The following ZFYVE26 variants were observed in gnomAD, a reference collection of about 807,000 sequenced individuals.
ZFYVE26 encodes the protein zinc finger FYVE-type containing 26, also known as zinc finger FYVE domain-containing protein 26.
ZFYVE26 carries 181 observed loss-of-function variants against 276.5 expected under a neutral mutation model. The observed-to-expected ratio is 0.65, with a 90% CI of 0.58 to 0.74. ZFYVE26 has a LOEUF of 0.74. Ranked by LOEUF, ZFYVE26 falls within the 30% of genes least tolerant of loss-of-function variation. The probability of loss-of-function intolerance (pLI) is 0.00; values close to 1 mark genes in which losing one functional copy is unlikely to be tolerated. For missense variants in ZFYVE26, 2,821 were observed against 3,097.9 expected (o/e 0.91, Z 2.12); for synonymous variants, 1,129 against 1,203.1 (o/e 0.94, Z 1.27).
At chr14:67,814,156 T>G (rs1170537890) in intron 2 of ZFYVE26, 92 bp from the exon 3 acceptor site, 2 of 1,033,296 alleles carry the variant, frequency 1.9e-6, no homozygotes, top group African/African-American at 1.6e-5. Context: ...GCTTATTCTG[T>G]TTTAAACCTG....
At chr14:67,792,417 C>T (rs1454443393) in intron 14 of ZFYVE26, among the ~76,000 whole-genome samples, 5 of 152,218 alleles carry the variant, frequency 3.3e-5, no homozygotes, top group East Asian at 3.9e-4. Context: ...ATATTTCTCA[C>T]GGCTAGAACA....
chr14:67,801,932 TGA>T, intron 10 of ZFYVE26, 145 bp downstream of exon 10: 4 of 885,620 alleles, frequency 4.5e-6, no homozygotes, highest in Non-Finnish European at 5.6e-6. Context: ...ATTCAGAGGC[TGA>T]CAGATGGATG....
In ZFYVE26 at chr14:67,762,812, T is replaced by C. The variant is rs150497301; in HGVS notation, c.6019A>G (p.Ser2007Gly). ...AAAATATTCAGCACATCTACCTTGC[T>C]GATGTAGCTACAAGGAGGAAAAGGG... is the stretch of plus-strand genomic sequence containing the variant. The part of the protein sequence containing the change: ...QDLALCDSYI[S>G]KVDVLNILVA... The change falls in exon 33 of 42, where the codon AGC (serine) becomes GGC (glycine). Residue 2007 changes from serine to glycine, a missense_variant. Ser to Gly is a moderately conservative substitution (Grantham distance 56, BLOSUM62 0). Coordinates refer to ENST00000347230, the MANE Select transcript of ZFYVE26 (RefSeq NM_015346.4). The C allele has an allele frequency of 1.1e-4, 185 of 1,614,058 alleles. 2 individuals are homozygous for C. The African/African-American group carries it at 2.2e-3, about 20-fold the overall frequency.
At chr14:67,777,388 A>G (rs774524943) in intron 25 of ZFYVE26, among the ~76,000 whole-genome samples, 171 bp downstream of exon 25, 3 of 152,220 alleles carry the variant, frequency 2.0e-5, no homozygotes, top group Admixed American at 6.5e-5. Flanking sequence ...AAGATTTCAT[A>G]TAGCACAGGC....
chr14:67,791,690 G>A (rs956075684), intron 14 of ZFYVE26, among the ~76,000 whole-genome samples: 2 of 151,632 alleles, frequency 1.3e-5, no homozygotes, highest in Non-Finnish European at 2.9e-5. Context: ...TCAAGAAAAG[G>A]AGGAGAAGTG....
At position 67,786,231 on chromosome 14, in the gene ZFYVE26, G is replaced by C. The variant is rs766888372; in HGVS notation, c.3022C>G (p.Arg1008Gly). ...RLNSSLERRG[R>G]RIDHVLLNAD... is the part of the protein sequence containing the mutation. ...TTTAGGAGTACGTGGTCTATCCGTC[G>C]ACCTGGAAATAGATGAAGGAAGAGG... is the stretch of plus-strand genomic sequence containing the variant. The change falls in exon 17 of 42, where the codon CGA (arginine) becomes GGA (glycine). Residue 1008 changes from arginine to glycine, a missense_variant and splice_region_variant. Coordinates refer to ENST00000347230, the MANE Select transcript of ZFYVE26 (RefSeq NM_015346.4). The C allele has an allele frequency of 2.2e-6, 3 of 1,341,824 alleles. No homozygotes were observed. The highest frequency in any genetic ancestry group is 3.0e-6 in the Non-Finnish European group (3 of 992,334). 83.1% of individuals were successfully genotyped at this position (1,341,824 alleles called of 1,614,324 possible).
chr14:67,798,865 C>A, intron 10 of ZFYVE26: 1 of 856,972 alleles, frequency 1.2e-6, no homozygotes, highest in East Asian at 2.7e-5. Context: ...CGAGGCCAAC[C>A]GGGCCTCCCC....
intron 37 of ZFYVE26, 54 bp from the exon 38 acceptor site, chr14:67,754,266 A>G: frequency 6.2e-7 from 1 of 1,609,520 alleles, no homozygotes; most frequent in Non-Finnish European, 8.5e-7. Context: ...CAGGTGACTG[A>G]GGCCAGGAGA....
rs199627150 is a variant in ZFYVE26 at position 67,775,095 on chromosome 14, T to C, written c.5241A>G (p.Gln1747=). The C allele has an allele frequency of 5.8e-5, 93 of 1,611,094 alleles. 1 individual carries two copies. The highest frequency in any genetic ancestry group is 8.9e-5 in the South Asian group (8 of 90,054). The stretch of plus-strand genomic sequence containing the variant: ...GATCTGCAGCCTGGTGGACAATTTC[T>C]TGGAGGTGAATCACAGAATCTGTAG... ...EKRSDSVIHL[Q]EIVHQAADPE... is the part of the protein sequence containing the mutation. Residue 1747 remains glutamine (Q), a synonymous_variant, in exon 27 of 42, where the codon CAA becomes CAG. Coordinates refer to ENST00000347230, the MANE Select transcript of ZFYVE26 (RefSeq NM_015346.4).
Position 67,782,895 on chromosome 14 carries a change from T to C in ZFYVE26, c.4257A>G (p.Glu1419=), listed in dbSNP as rs2039539941. The change falls in exon 21 of 42, where the codon GAA becomes GAG. Residue 1419 remains glutamate, a synonymous_variant. Transcript: ENST00000347230. ...ALDVLSEAFE[E]SLVARDWSRA... ...GGGACCAATCTCTGGCCACCAAGGA[T>C]TCCTCAAAAGCCTCACTCAGTACAT... 1 of 1,614,166 alleles carries C rather than the reference T, an allele frequency of 6.2e-7. No individual in the cohort carries two copies. The highest frequency in any genetic ancestry group is 1.3e-5 in the African/African-American group (1 of 75,038).
intron 16 of ZFYVE26, among the ~76,000 whole-genome samples, chr14:67,787,430 T>C (rs1189915753): frequency 1.3e-5 from 2 of 152,066 alleles, no homozygotes; most frequent in Non-Finnish European, 1.5e-5. Context: ...CAGTGAATAA[T>C]AATTCAATTG....
At chr14:67,751,208 CCTGA>C (rs1158124945) in intron 40 of ZFYVE26, 112 bp from the exon 41 acceptor site, 16 of 1,283,414 alleles carry the variant, frequency 1.2e-5, no homozygotes, top group Non-Finnish European at 1.8e-5. Context: ...AAAATGTCTG[CCTGA>C]CTTTTTTTTT....
intron 35 of ZFYVE26, 90 bp from the exon 36 acceptor site, chr14:67,756,235 C>T: frequency 2.4e-6 from 3 of 1,276,312 alleles, no homozygotes; most frequent in Non-Finnish European, 2.3e-6. Context: ...TATTGATGAA[C>T]CTTCAGCATC....
chr14:67,769,705 C>T lies in ZFYVE26; in HGVS notation c.5510G>A (p.Arg1837His), dbSNP rs776920735. The T allele has an allele frequency of 2.7e-5, 43 of 1,613,926 alleles. No homozygotes were observed. Among genetic ancestry groups the T allele is most frequent in the African/African-American group, 4.0e-5 (3 of 74,870 alleles). The change falls in exon 29 of 42, where the codon CGC becomes CAC. Residue 1837 changes from arginine (R) to histidine (H), a missense_variant. Physicochemically the swap from Arg to His is conservative, Grantham distance 29. Transcript: ENST00000347230. Reference protein sequence around the residue: ...TMFNRRHHCRRCGRLVCSSCS... With the variant: ...TMFNRRHHCRHCGRLVCSSCS... ...GGAGCTGCACACTAGCCGGCCACAG[C>T]GGCGACAATGATGACGCCTGTTAAA... is the stretch of plus-strand genomic sequence containing the variant.
At chr14:67,746,068 A>G (rs1285199488), downstream of ZFYVE26, among the ~76,000 whole-genome samples, 1 of 152,114 alleles carries the variant, frequency 6.6e-6, no homozygotes, top group Non-Finnish European at 1.5e-5. Context: ...TGTAGTGGCG[A>G]AAGATGGCAA....
Position 67,785,069 on chromosome 14 carries a change from G to C in ZFYVE26, c.3513C>G (p.Ser1171Arg). The C allele has an allele frequency of 6.2e-7, 1 of 1,614,188 alleles. No individual in the cohort carries two copies. Among genetic ancestry groups the C allele is most frequent in the Non-Finnish European group, 8.5e-7 (1 of 1,180,032 alleles). The part of the protein sequence containing the change: ...TLAAVLLQSL[S>R]SEPDHVEVKV... ...TTTCTTGCTACCTACCAGGCTCAGA[G>C]CTCAAACTTTGAAGGAGAACTGCAG... is the stretch of plus-strand genomic sequence containing the variant. Residue 1171 changes from serine to arginine, a missense_variant, in exon 19 of 42, where the codon AGC becomes AGG. Coordinates refer to ENST00000347230, the MANE Select transcript of ZFYVE26 (RefSeq NM_015346.4).
intron 13 of ZFYVE26, chr14:67,735,280 G>T (rs1482141851): frequency 3.2e-6 from 3 of 939,470 alleles, no homozygotes; most frequent in Non-Finnish European, 5.3e-6. Context: ...GAATCGCCTC[G>T]TGCTCAGGCT....
chr14:67,742,838 C>CTTTTTTTTTTTTTTTTTTT (rs71446342), downstream of ZFYVE26, among the ~76,000 whole-genome samples: 4 of 89,770 alleles, frequency 4.5e-5, no homozygotes, highest in African/African-American at 1.7e-4. Flanking sequence ...TCTTCTTCTT[C>CTTTTTTTTTTTTTTTTTTT]TTTTTTTTTT....
downstream of ZFYVE26, among the ~76,000 whole-genome samples, chr14:67,744,590 T>G (rs1035030541): frequency 6.6e-6 from 1 of 152,050 alleles, no homozygotes; most frequent in African/African-American, 2.4e-5. Context: ...CAGGCCCCAG[T>G]GTATGATGTT....
Sources: gnomAD v4.1 joint callset for allele counts (sites outside exome capture counted in the v4.1 genomes callset) on GRCh38, gnomAD v4.1.1 for gene constraint, MANE v1.5 for transcripts, NCBI Gene and HGNC (gene_info 2026-07-23, HGNC 2026-07-21) for gene names.